Variants in KRT7 observed in about 807,000 individuals in gnomAD.
KRT7 encodes keratin 7.
In KRT7, 50 loss-of-function variants were observed where a neutral mutation model predicts 42.8. The ratio of observed to expected loss-of-function variants is 1.17; its 90% CI spans 0.93 to 1.48. The LOEUF (loss-of-function observed/expected upper bound fraction) is 1.48. Among genes scored for constraint, KRT7 ranks in the 40% most tolerant of loss-of-function variants. The pLI is 0.00. For synonymous variants in KRT7, 268 were observed against 266.3 expected, an observed-to-expected ratio of 1.01 and a Z score of -0.06; for missense variants, 588 against 637.6, an observed-to-expected ratio of 0.92 and a Z score of 0.84.
chr12:52,251,699 A>G (rs1208105345), downstream of KRT7: 1 of 308,242 alleles, frequency 3.2e-6, no homozygotes, highest in Non-Finnish European at 6.3e-6. Context: ...CTTGACCTAA[A>G]AGTCCTTATG....
chr12:52,244,562 G>T (rs964283656), intron 6 of KRT7: 1 of 985,786 alleles, frequency 1.0e-6, no homozygotes, highest in Non-Finnish European at 1.2e-6. Flanking sequence ...CTGGCAGAGA[G>T]GCAGACTGCC....
intron 6 of KRT7, chr12:52,244,374 C>T (rs1428474306): frequency 1.9e-5 from 19 of 985,494 alleles, no homozygotes; most frequent in African/African-American, 5.2e-5. Flanking sequence ...CACAACAGGG[C>T]GGATCCAGGC....
downstream of KRT7, among the ~76,000 whole-genome samples, chr12:52,249,987 A>C (rs1016408648): frequency 6.6e-6 from 1 of 152,144 alleles, no homozygotes; most frequent in Non-Finnish European, 1.5e-5. Context: ...AAGAGGAAGG[A>C]GAGACTCTCA....
Position 52,248,683 on chromosome 12 carries a change from A to G in KRT7, c.1333A>G (p.Ser445Gly), listed in dbSNP as rs1446407993. Residue 445 changes from serine to glycine, a missense_variant, in exon 9 of 9, where the codon AGC (serine) becomes GGC (glycine). Transcript: ENST00000331817. The stretch of plus-strand genomic sequence containing the variant: ...GGGCAGCAATGCCCTGAGCTTCTCC[A>G]GCAGTGCGGGTCCTGGGCTCCTGAA... Reference protein sequence around the residue: ...TMGSNALSFSSSAGPGLLKAY... With the variant: ...TMGSNALSFSGSAGPGLLKAY... 1 of 1,613,428 alleles carries G rather than the reference A, an allele frequency of 6.2e-7. No homozygotes were observed. Among genetic ancestry groups the G allele is most frequent in the Admixed American group, 1.7e-5 (1 of 59,946 alleles).
intron 2 of KRT7, among the ~76,000 whole-genome samples, chr12:52,236,527 C>T (rs1257580860): frequency 6.6e-6 from 1 of 152,170 alleles, no homozygotes; most frequent in South Asian, 2.1e-4. Context: ...ACCCTCTTGA[C>T]CTGGCTGTGC....
intron 4 of KRT7, among the ~76,000 whole-genome samples, chr12:52,239,127 GT>G (rs34771677): frequency 3.3e-5 from 5 of 151,372 alleles, no homozygotes; most frequent in South Asian, 2.1e-4. Flanking sequence ...GGCTTTAGGT[GT>G]TTTTTTTTAG....
chr12:52,255,630 G>T (rs1293840816), downstream of KRT7, among the ~76,000 whole-genome samples: 4 of 152,136 alleles, frequency 2.6e-5, no homozygotes, highest in Non-Finnish European at 5.9e-5. Flanking sequence ...TTCCTGATGT[G>T]GGTCAGGGTG....
intron 3 of KRT7, 46 bp downstream of exon 3, chr12:52,237,615 G>A: frequency 1.3e-6 from 2 of 1,515,672 alleles, no homozygotes; most frequent in Non-Finnish European, 1.8e-6. Flanking sequence ...GAAAACATGG[G>A]ACAAAGGACC....
intron 5 of KRT7, 113 bp downstream of exon 5, chr12:52,241,749 C>A: frequency 1.1e-6 from 1 of 930,926 alleles, no homozygotes; most frequent in Non-Finnish European, 1.6e-6. Context: ...TTCTGGCAGG[C>A]ACCAGTGGTT....
At chr12:52,243,234 C>T in intron 6 of KRT7, 97 bp downstream of exon 6, 1 of 1,415,810 alleles carries the variant, frequency 7.1e-7, no homozygotes, top group Non-Finnish European at 9.5e-7. Flanking sequence ...GTTCCCATCT[C>T]CCGGCCAAAG....
intron 5 of KRT7, among the ~76,000 whole-genome samples, chr12:52,242,134 TAA>T (rs1352816936): frequency 6.6e-6 from 1 of 152,082 alleles, no homozygotes; most frequent in Non-Finnish European, 1.5e-5. Context: ...CATGCCTGGC[TAA>T]TTTTTTTTGT....
intron 5 of KRT7, 104 bp from the exon 6 acceptor site, chr12:52,242,908 T>C: frequency 7.5e-7 from 1 of 1,339,458 alleles, no homozygotes; most frequent in Non-Finnish European, 1.0e-6. Flanking sequence ...AGACTGTCCT[T>C]CCCTGAAAAT....
In KRT7 at chr12:52,235,309, G is replaced by A. The variant is rs868218625; in HGVS notation, c.479G>A (p.Gly160Asp). 6.2e-7 allele frequency: 1 copy of A among 1,613,960 alleles called. No homozygotes were observed. The highest frequency in any genetic ancestry group is 8.5e-7 in the Non-Finnish European group (1 of 1,179,972). The change falls in exon 2 of 9, where the codon GGC becomes GAC. Residue 160 changes from glycine to aspartate, a missense_variant. Coordinates refer to ENST00000331817, the MANE Select transcript of KRT7 (RefSeq NM_005556.4). ...GQLEALQVDG[G>D]RLEAELRSMQ... ...CTTGAGGCACTGCAGGTGGATGGGG[G>A]CCGCCTGGAGGCGGAGCTGCGGAGC...
chr12:52,234,875 A>G (rs1941987382), intron 1 of KRT7, among the ~76,000 whole-genome samples: 2 of 152,174 alleles, frequency 1.3e-5, no homozygotes, highest in African/African-American at 4.8e-5. Context: ...GGAGAACACC[A>G]CCTGTAATGT....
chr12:52,248,688 T>C lies in KRT7; in HGVS notation c.1338T>C (p.Ser446=). 1.9e-6 allele frequency: 3 copies of C among 1,613,278 alleles called. No individual in the cohort carries two copies. The highest frequency in any genetic ancestry group is 2.2e-5 in the East Asian group (1 of 44,830). Residue 446 remains serine, a synonymous_variant, in exon 9 of 9, where the codon AGT becomes AGC. Transcript: ENST00000331817. ...GCAATGCCCTGAGCTTCTCCAGCAG[T>C]GCGGGTCCTGGGCTCCTGAAGGCTT... The part of the protein sequence containing the change: ...MGSNALSFSS[S]AGPGLLKAYS...
chr12:52,245,391 C>G (rs1450981889), intron 6 of KRT7, 21 bp from the exon 7 acceptor site: 1 of 1,611,550 alleles, frequency 6.2e-7, no homozygotes, highest in East Asian at 2.2e-5. Flanking sequence ...CCCCAGCTTA[C>G]AGCTGCACTG....
At chr12:52,243,578 A>T (rs1565720546) in intron 6 of KRT7, 1 of 157,156 alleles carries the variant, frequency 6.4e-6, no homozygotes, top group African/African-American at 2.4e-5. Context: ...TGCTCTGGCC[A>T]TGCTAACCTG....
At chr12:52,244,341 T>G in intron 6 of KRT7, 2 of 985,650 alleles carry the variant, frequency 2.0e-6, no homozygotes, top group Non-Finnish European at 2.4e-6. Flanking sequence ...CTGCAGCCTC[T>G]ACTACATCCG....
chr12:52,233,752 G>A (rs1433624675), intron 1 of KRT7, 132 bp downstream of exon 1: 5 of 911,632 alleles, frequency 5.5e-6, no homozygotes, highest in Non-Finnish European at 8.9e-6. Context: ...GCCAGTGTTG[G>A]GGACACGATC....
Sources: gnomAD v4.1 joint callset for allele counts (sites outside exome capture counted in the v4.1 genomes callset) on GRCh38, gnomAD v4.1.1 for gene constraint, MANE v1.5 for transcripts, NCBI Gene and HGNC (gene_info 2026-07-23, HGNC 2026-07-21) for gene names.